DIP2C: variants seen among roughly 807,000 people sequenced by gnomAD.
DIP2C encodes the protein disco-interacting protein 2 homolog C.
In DIP2C, 33 loss-of-function variants were observed where a neutral mutation model predicts 192.4. The ratio of observed to expected loss-of-function variants is 0.17; its 90% CI spans 0.13 to 0.23. The LOEUF is 0.23. Ranked by LOEUF, DIP2C falls within the 10% of genes least tolerant of loss-of-function variation. The probability of loss-of-function intolerance (pLI) is 1.00; values close to 1 mark genes in which losing one functional copy is unlikely to be tolerated. For synonymous variants in DIP2C, 979 were observed against 864.1 expected (o/e 1.13, Z -2.33); for missense variants, 1,537 against 2,110.1 (o/e 0.73, Z 5.32).
At chr10:517,255 C>T (rs938681846) in intron 1 of DIP2C, among the ~76,000 whole-genome samples, 4 of 152,150 alleles carry the variant, frequency 2.6e-5, no homozygotes, top group African/African-American at 7.2e-5. Flanking sequence ...GGCAAATGTA[C>T]CATGAATTTA....
chr10:538,912 T>C (rs1269197153), intron 1 of DIP2C, among the ~76,000 whole-genome samples: 10 of 152,256 alleles, frequency 6.6e-5, no homozygotes, highest in Non-Finnish European at 1.3e-4. Flanking sequence ...TCTGTGTTCA[T>C]GAATCTGCTA....
At chr10:353,244 C>G (rs903571323) in intron 24 of DIP2C, among the ~76,000 whole-genome samples, 11 of 151,956 alleles carry the variant, frequency 7.2e-5, no homozygotes, top group African/African-American at 2.4e-4. Context: ...AAACTTGGGA[C>G]CATTTTAACG....
At chr10:333,278 G>GT (rs1957583827) in intron 29 of DIP2C, among the ~76,000 whole-genome samples, 1 of 152,190 alleles carries the variant, frequency 6.6e-6, no homozygotes, top group Non-Finnish European at 1.5e-5. Context: ...TTTAAGCACA[G>GT]AATGGCTTTT....
intron 1 of DIP2C, among the ~76,000 whole-genome samples, chr10:639,163 G>T (rs1855003722): frequency 6.9e-6 from 1 of 143,904 alleles, no homozygotes. Flanking sequence ...GGAGGGTGCT[G>T]CCCGGCTCCC....
rs370689609 is a variant in DIP2C, at chr10:634,909, T to G, written c.85+54585A>C. Among the ~76,000 whole-genome samples, 7 of 152,258 alleles carry G rather than the reference T, an allele frequency of 4.6e-5. No individual in the cohort carries two copies. In the East Asian group the frequency reaches 1.3e-3, roughly 29 times the overall value. ...CTGTCCTCACCGATCCATACCTAAA[T>G]CCTTATTTCTAATTGGCCCCCAATT... On this transcript the variant is annotated intron_variant, in intron 1 of 36. Transcript: ENST00000280886.
chr10:545,166 C>CCCTTTTTT (rs1554896881), intron 1 of DIP2C, among the ~76,000 whole-genome samples: 4 of 86,338 alleles, frequency 4.6e-5, no homozygotes, highest in African/African-American at 1.1e-4. Flanking sequence ...GGTGTTTTCC[C>CCCTTTTTT]TTTTTTTTTT....
chr10:398,756 A>G (rs1964184435), intron 10 of DIP2C, among the ~76,000 whole-genome samples: 1 of 152,016 alleles, frequency 6.6e-6, no homozygotes. Flanking sequence ...ACTGGATGTC[A>G]AAACACCTGA....
At chr10:298,935 TTGAG>T (rs1004799143) in intron 32 of DIP2C, among the ~76,000 whole-genome samples, 4 of 152,240 alleles carry the variant, frequency 2.6e-5, no homozygotes, top group African/African-American at 7.2e-5. Flanking sequence ...CTTTCCCTTT[TTGAG>T]TAAGACTAGA....
At chr10:513,623 C>G (rs949018394) in intron 1 of DIP2C, among the ~76,000 whole-genome samples, 1 of 3,084 alleles carries the variant, frequency 3.2e-4, no homozygotes, top group Non-Finnish European at 1.4e-3. Flanking sequence ...CCACACCTTA[C>G]CTGAAAGTCA....
intron 36 of DIP2C, among the ~76,000 whole-genome samples, chr10:280,708 G>T (rs1376882283): frequency 6.6e-6 from 1 of 152,242 alleles, no homozygotes; most frequent in Non-Finnish European, 1.5e-5. Flanking sequence ...CAGCAGGTGC[G>T]ACGCACACAC....
At chr10:526,618 T>C (rs1378343837) in intron 1 of DIP2C, among the ~76,000 whole-genome samples, 1 of 152,206 alleles carries the variant, frequency 6.6e-6, no homozygotes, top group Non-Finnish European at 1.5e-5. Flanking sequence ...TGGTCCTCTT[T>C]GAAGAGATGG....
At chr10:297,234 C>T (rs1252316676) in intron 32 of DIP2C, among the ~76,000 whole-genome samples, 1 of 90,114 alleles carries the variant, frequency 1.1e-5, no homozygotes, top group African/African-American at 5.1e-5. Context: ...CCCCCCACCC[C>T]ACCACATACA....
intron 1 of DIP2C, among the ~76,000 whole-genome samples, chr10:590,637 C>T (rs1851343706): frequency 6.6e-6 from 1 of 152,226 alleles, no homozygotes. Flanking sequence ...TAAACAGAGC[C>T]AGAGGCCATA....
chr10:484,696 G>C (rs189247534), intron 2 of DIP2C: 89 of 1,499,472 alleles, frequency 5.9e-5, no homozygotes, highest in Middle Eastern at 2.3e-4. Flanking sequence ...CACCCTACAC[G>C]TCTGTACGGG....
intron 17 of DIP2C, 114 bp from the exon 18 acceptor site, chr10:369,747 C>T (rs1055552110): frequency 4.5e-6 from 7 of 1,549,648 alleles, no homozygotes; most frequent in Non-Finnish European, 6.2e-6. Context: ...AGTGCTGGCA[C>T]CCCAGGCACA....
chr10:303,012 C>T (rs1323141720), intron 32 of DIP2C, among the ~76,000 whole-genome samples: 11 of 152,018 alleles, frequency 7.2e-5, no homozygotes, highest in African/African-American at 2.4e-5. Context: ...TCTGTAGGTT[C>T]GTAAACACCG....
At chr10:344,062 T>C (rs952632112) in intron 28 of DIP2C, among the ~76,000 whole-genome samples, 1 of 152,130 alleles carries the variant, frequency 6.6e-6, no homozygotes, top group Non-Finnish European at 1.5e-5. Context: ...GTTCTGATGG[T>C]CTACTCTACG....
intron 1 of DIP2C, chr10:665,772 A>C (rs762902453): frequency 6.6e-6 from 1 of 152,278 alleles, no homozygotes; most frequent in African/African-American, 2.4e-5. Context: ...AAAACAAAAC[A>C]CATCAATCAA....
chr10:529,964 C>T (rs1847271533), intron 1 of DIP2C, among the ~76,000 whole-genome samples: 1 of 152,240 alleles, frequency 6.6e-6, no homozygotes, highest in African/African-American at 2.4e-5. Flanking sequence ...TAATTCGCCA[C>T]CACGTGGCGG....
Sources: allele counts gnomAD v4.1 joint callset (sites outside exome capture counted in the v4.1 genomes callset), GRCh38; gene constraint gnomAD v4.1.1; transcripts MANE v1.5; gene names NCBI Gene and HGNC (gene_info 2026-07-23, HGNC 2026-07-21).